The following RIMS3 variants were observed in gnomAD, a reference collection of about 807,000 sequenced individuals.
RIMS3 encodes the protein regulating synaptic membrane exocytosis protein 3.
In RIMS3, 15 loss-of-function variants were observed where a neutral mutation model predicts 29.2. The observed-to-expected ratio is 0.51, with a 90% CI of 0.34 to 0.79. The LOEUF is 0.79. Ranked by LOEUF, RIMS3 falls within the 30% of genes least tolerant of loss-of-function variation. RIMS3 has a pLI of 0.01. For synonymous variants in RIMS3, 161 were observed against 170.1 expected (o/e 0.95, Z 0.41); for missense variants, 342 against 421.4 (o/e 0.81, Z 1.65).
At position 40,623,448 on chromosome 1, in the gene RIMS3, A is replaced by T. The variant is rs1483946249; in HGVS notation, c.*3069T>A. 2.5e-5 allele frequency: 10 copies of T among 398,570 alleles called. No homozygotes were observed. Among genetic ancestry groups the T allele is most frequent in the African/African-American group, 6.2e-5 (3 of 48,642 alleles). The allele number at this position is 398,570 out of a possible 1,614,324, so 24.7% of individuals were successfully genotyped here. A position where few individuals can be genotyped will look rare whatever the true frequency, so the allele number is the denominator to read the frequency against. On this transcript the variant is annotated 3_prime_UTR_variant, in exon 8 of 8. Coordinates refer to ENST00000372684, the MANE Select transcript of RIMS3 (RefSeq NM_014747.3). ...GAGTCATCCATCACTGTCCCTGCCC[A>T]CAACCCAACATCACTGCAGGGCCAC...
chr1:40,658,623 T>C (rs564745713), intron 1 of RIMS3, among the ~76,000 whole-genome samples: 1 of 152,290 alleles, frequency 6.6e-6, no homozygotes, highest in African/African-American at 2.4e-5. Flanking sequence ...TGGGATTGGA[T>C]CTGCCAAGCC....
intron 3 of RIMS3, 30 bp downstream of exon 3, chr1:40,641,679 T>G (rs748319592): frequency 4.5e-5 from 73 of 1,608,550 alleles, no homozygotes; most frequent in Non-Finnish European, 7.7e-6. Context: ...GTCCCCCACC[T>G]CTACCCCGTG....
chr1:40,685,278 AATTT>A, the RIMS3 span, among the ~76,000 whole-genome samples: 34 of 96,110 alleles, frequency 3.5e-4, no homozygotes, highest in Non-Finnish European at 5.1e-4. Context: ...TGAAAAACAT[AATTT>A]ATTAATATAT....
At chr1:40,641,408 G>C (rs566887755) in intron 3 of RIMS3, among the ~76,000 whole-genome samples, 1 of 152,218 alleles carries the variant, frequency 6.6e-6, no homozygotes, top group Non-Finnish European at 1.5e-5. Context: ...TAAAGGTTAA[G>C]AGCATCAGCT....
In RIMS3 at chr1:40,626,081, C is replaced by T. The variant is rs541858805; in HGVS notation, c.*436G>A. Reference sequence around the variant, plus strand: ...GACAAGACAGAAAACAAAGCAGAGACCACCAGGAGCAGGCACAGGTGAAGA... The same window carrying T: ...GACAAGACAGAAAACAAAGCAGAGATCACCAGGAGCAGGCACAGGTGAAGA... On this transcript the variant is annotated 3_prime_UTR_variant, in exon 8 of 8. Coordinates refer to ENST00000372684, the MANE Select transcript of RIMS3 (RefSeq NM_014747.3). 5.5e-5 allele frequency: 12 copies of T among 219,124 alleles called. No homozygotes were observed. The highest frequency in any genetic ancestry group is 2.3e-4 in the African/African-American group (10 of 44,252). 13.6% of individuals were successfully genotyped at this position (219,124 alleles called of 1,614,324 possible). A position where few individuals can be genotyped will look rare whatever the true frequency, so the allele number is the denominator to read the frequency against.
At chr1:40,664,030 T>C (rs1427059629) in intron 1 of RIMS3, among the ~76,000 whole-genome samples, 1 of 152,212 alleles carries the variant, frequency 6.6e-6, no homozygotes. Context: ...GTGGCAGAGC[T>C]TGGGTTTGAA....
the RIMS3 span, among the ~76,000 whole-genome samples, chr1:40,680,191 A>G: frequency 6.6e-6 from 1 of 152,074 alleles, no homozygotes; most frequent in Non-Finnish European, 1.5e-5. Context: ...AACAAGAACA[A>G]CAACAAGAAA....
At chr1:40,659,174 G>A (rs774059124) in intron 1 of RIMS3, among the ~76,000 whole-genome samples, 14 of 152,168 alleles carry the variant, frequency 9.2e-5, no homozygotes, top group Non-Finnish European at 1.6e-4. Context: ...GACAAAGTAG[G>A]GGTGGGGAGG....
At chr1:40,657,083 G>A (rs772396069) in intron 1 of RIMS3, among the ~76,000 whole-genome samples, 1 of 152,050 alleles carries the variant, frequency 6.6e-6, no homozygotes, top group African/African-American at 2.4e-5. Flanking sequence ...TTGTCATAAC[G>A]GCCACCATCT....
At chr1:40,668,498 G>A (rs1473997799), upstream of RIMS3, among the ~76,000 whole-genome samples, 1 of 133,838 alleles carries the variant, frequency 7.5e-6, no homozygotes, top group Admixed American at 7.4e-5. Context: ...GGGCGGGGGG[G>A]GGGGGGTTGG....
upstream of RIMS3, among the ~76,000 whole-genome samples, chr1:40,667,234 A>G (rs1202877120): frequency 6.6e-6 from 1 of 152,158 alleles, no homozygotes; most frequent in Non-Finnish European, 1.5e-5. Flanking sequence ...GCTCCTGATT[A>G]TATTTACATA....
rs1300217246 is a variant in RIMS3 at position 40,625,495 on chromosome 1, G to A, written c.*1022C>T. The A allele has an allele frequency of 1.3e-5, 2 of 152,362 alleles. No homozygotes were observed. Among genetic ancestry groups the A allele is most frequent in the African/African-American group, 4.8e-5 (2 of 41,424 alleles). 9.4% of individuals were successfully genotyped at this position (152,362 alleles called of 1,614,324 possible). ...CAGATGGGATCCTCAACAGTGGCGG[G>A]GAACAACTCAGCCTCAGCCCTCCTT... On this transcript the variant is annotated 3_prime_UTR_variant, in exon 8 of 8. Coordinates refer to ENST00000372684, the MANE Select transcript of RIMS3 (RefSeq NM_014747.3).
chr1:40,661,271 A>G (rs1488109030), intron 1 of RIMS3, among the ~76,000 whole-genome samples: 1 of 152,136 alleles, frequency 6.6e-6, no homozygotes, highest in East Asian at 1.9e-4. Flanking sequence ...GAACTAGCAC[A>G]CAGTAAGCAC....
intron 4 of RIMS3, 48 bp from the exon 5 acceptor site, chr1:40,633,229 G>T: frequency 6.9e-7 from 1 of 1,451,518 alleles, no homozygotes; most frequent in Non-Finnish European, 9.7e-7. Context: ...GGCAACCTGA[G>T]GATGAAAGTA....
the RIMS3 span, among the ~76,000 whole-genome samples, chr1:40,681,155 A>G: frequency 2.6e-4 from 39 of 152,304 alleles, no homozygotes; most frequent in African/African-American, 9.1e-4. Flanking sequence ...ACAAACCAAC[A>G]AATAAAAACT....
chr1:40,663,498 C>G (rs1423832672), intron 1 of RIMS3, among the ~76,000 whole-genome samples: 2 of 152,144 alleles, frequency 1.3e-5, no homozygotes, highest in Admixed American at 1.3e-4. Context: ...CAGGCTCCAG[C>G]TGATGCAATG....
intron 3 of RIMS3, among the ~76,000 whole-genome samples, chr1:40,638,930 G>C (rs983070418): frequency 3.9e-5 from 6 of 152,230 alleles, no homozygotes; most frequent in African/African-American, 1.4e-4. Flanking sequence ...GTGAGTTTTT[G>C]TAAGTCCACT....
intron 5 of RIMS3, among the ~76,000 whole-genome samples, chr1:40,630,012 T>C (rs936856731): frequency 6.9e-5 from 10 of 145,974 alleles, no homozygotes; most frequent in Middle Eastern, 3.6e-3. Context: ...GTGGAGGTTG[T>C]AGTGGGCCAA....
chr1:40,664,654 G>C (rs1458676847), intron 1 of RIMS3, among the ~76,000 whole-genome samples: 2 of 152,128 alleles, frequency 1.3e-5, no homozygotes, highest in East Asian at 3.9e-4. Context: ...CCCCATTCCA[G>C]GATCCTTCCT....
Sources: allele counts gnomAD v4.1 joint callset (sites outside exome capture counted in the v4.1 genomes callset), GRCh38; gene constraint gnomAD v4.1.1; transcripts MANE v1.5; gene names NCBI Gene and HGNC (gene_info 2026-07-23, HGNC 2026-07-21).